CCDC148: variants seen among roughly 807,000 people sequenced by gnomAD.
CCDC148 encodes coiled-coil domain containing 148, also known as coiled-coil domain-containing protein 148.
CCDC148 carries 89 observed loss-of-function variants against 85.7 expected under a neutral mutation model. That is an observed-to-expected ratio of 1.04 (90% CI 0.87 to 1.24). The LOEUF is 1.24. CCDC148 is among the 50% of genes most tolerant of loss of function. The probability of loss-of-function intolerance (pLI) is 0.00; values close to 1 mark genes in which losing one functional copy is unlikely to be tolerated. For synonymous variants in CCDC148, 230 were observed against 213.9 expected (o/e 1.08, Z -0.66); for missense variants, 692 against 671.7 (o/e 1.03, Z -0.33).
At chr2:158,449,789 G>A (rs761096751) in intron 1 of CCDC148, among the ~76,000 whole-genome samples, 1 of 152,136 alleles carries the variant, frequency 6.6e-6, no homozygotes, top group Non-Finnish European at 1.5e-5. Flanking sequence ...GTTCAAAGTG[G>A]TATGGCCATA....
intron 10 of CCDC148, among the ~76,000 whole-genome samples, chr2:158,221,082 G>T (rs1164824164): frequency 3.9e-5 from 6 of 152,122 alleles, no homozygotes; most frequent in Non-Finnish European, 8.8e-5. Flanking sequence ...TCTTCTTATG[G>T]TAATGCAGTC....
intron 9 of CCDC148, among the ~76,000 whole-genome samples, chr2:158,278,684 C>T (rs1023600332): frequency 5.3e-5 from 8 of 152,256 alleles, no homozygotes; most frequent in African/African-American, 9.6e-5. Flanking sequence ...CTGTAGGCTC[C>T]GCCTCTGGGG....
intron 1 of CCDC148, among the ~76,000 whole-genome samples, chr2:158,377,130 T>C (rs1684683907): frequency 6.6e-6 from 1 of 152,056 alleles, no homozygotes; most frequent in Non-Finnish European, 1.5e-5. Flanking sequence ...CCATATTCTC[T>C]GAACAATGAT....
chr2:158,191,242 T>C (rs1685410149), intron 11 of CCDC148, among the ~76,000 whole-genome samples: 1 of 152,076 alleles, frequency 6.6e-6, no homozygotes, highest in South Asian at 2.1e-4. Context: ...GCTTCTCTAA[T>C]GCTGTTTGAA....
chr2:158,353,576 G>A (rs1303749063), intron 2 of CCDC148, among the ~76,000 whole-genome samples: 3 of 151,892 alleles, frequency 2.0e-5, no homozygotes, highest in Non-Finnish European at 4.4e-5. Flanking sequence ...GATTCATAAA[G>A]CAAGTCCTGA....
chr2:158,415,061 T>C (rs974844969), intron 1 of CCDC148, among the ~76,000 whole-genome samples: 2 of 152,044 alleles, frequency 1.3e-5, no homozygotes, highest in African/African-American at 4.8e-5. Flanking sequence ...GTCCATAGTT[T>C]GGGGCCATAA....
chr2:158,350,941 T>G (rs1683234806), intron 2 of CCDC148, among the ~76,000 whole-genome samples: 2 of 152,122 alleles, frequency 1.3e-5, no homozygotes, highest in South Asian at 4.1e-4. Flanking sequence ...AATACCTCAC[T>G]GTTACTCATC....
At chr2:158,395,965 A>AT (rs1254929790) in intron 1 of CCDC148, among the ~76,000 whole-genome samples, 1 of 152,054 alleles carries the variant, frequency 6.6e-6, no homozygotes, top group Non-Finnish European at 1.5e-5. Context: ...ATAAACTGGG[A>AT]TTTCCCCAGA....
At chr2:158,319,045 C>T (rs1029593887) in intron 7 of CCDC148, among the ~76,000 whole-genome samples, 4 of 152,168 alleles carry the variant, frequency 2.6e-5, no homozygotes, top group African/African-American at 9.7e-5. Context: ...GAATTACAGG[C>T]ATAAGCCACA....
intron 9 of CCDC148, among the ~76,000 whole-genome samples, chr2:158,259,471 T>A (rs1689133176): frequency 6.6e-6 from 1 of 151,950 alleles, no homozygotes; most frequent in Non-Finnish European, 1.5e-5. Flanking sequence ...AGAAAGCAAA[T>A]GTGATATACA....
In CCDC148 at chr2:158,177,740, T is replaced by TA. The variant is rs1393297715; in HGVS notation, c.1489-1080dup. Among the ~76,000 whole-genome samples, 28 of 152,286 alleles carry TA rather than the reference T, an allele frequency of 1.8e-4. No homozygotes were observed. In the South Asian group the frequency reaches 5.6e-3, roughly 30 times the overall value. On this transcript the variant is annotated intron_variant, in intron 12 of 13. Coordinates refer to ENST00000283233, the MANE Select transcript of CCDC148 (RefSeq NM_138803.4). ...TAAATTTATCTTTATAATCTTTTTT[T>TA]ATCAAAGAAGATGATGATATAATAG...
At chr2:158,173,407 T>C (rs1049473995) in intron 13 of CCDC148, among the ~76,000 whole-genome samples, 4 of 152,198 alleles carry the variant, frequency 2.6e-5, no homozygotes, top group East Asian at 1.9e-4. Flanking sequence ...TGTTTGTTTC[T>C]AGTTTTTGCA....
intron 1 of CCDC148, among the ~76,000 whole-genome samples, chr2:158,411,532 C>G (rs1686258401): frequency 6.6e-6 from 1 of 151,782 alleles, no homozygotes; most frequent in Non-Finnish European, 1.5e-5. Flanking sequence ...CTGTTTTGTT[C>G]TTCATTGTTA....
At chr2:158,216,251 T>C (rs183445716) in intron 11 of CCDC148, among the ~76,000 whole-genome samples, 21 of 152,182 alleles carry the variant, frequency 1.4e-4, no homozygotes, top group African/African-American at 3.9e-4. Flanking sequence ...CACTTTTGCT[T>C]TAACTTTAAT....
At chr2:158,258,608 A>G (rs1053289499) in intron 9 of CCDC148, among the ~76,000 whole-genome samples, 1 of 151,796 alleles carries the variant, frequency 6.6e-6, no homozygotes, top group Non-Finnish European at 1.5e-5. Context: ...GAATCATCCT[A>G]ACACTGCCTG....
chr2:158,407,756 T>C (rs898212953), intron 1 of CCDC148, among the ~76,000 whole-genome samples: 1 of 152,182 alleles, frequency 6.6e-6, no homozygotes, highest in African/African-American at 2.4e-5. Context: ...TCTGGGTTCA[T>C]AGAAGCCTGG....
intron 1 of CCDC148, among the ~76,000 whole-genome samples, chr2:158,359,415 T>C (rs6745890): frequency 0.36 from 53,967 of 151,990 alleles, 9,916 homozygotes; most frequent in African/African-American, 0.45. Flanking sequence ...GGAACAGCTC[T>C]GGTCTGCAGC....
At chr2:158,340,548 A>G (rs1191239351) in intron 4 of CCDC148, 50 bp downstream of exon 4, 3 of 1,431,708 alleles carry the variant, frequency 2.1e-6, no homozygotes, top group Non-Finnish European at 2.9e-6. Context: ...GCCCATTCTC[A>G]TTCTTCAAAA....
At chr2:158,389,941 T>C (rs1012782334) in intron 1 of CCDC148, among the ~76,000 whole-genome samples, 4 of 152,150 alleles carry the variant, frequency 2.6e-5, no homozygotes, top group African/African-American at 9.6e-5. Flanking sequence ...AGAAAGATTA[T>C]ATTGGTAATT....
Sources: allele counts gnomAD v4.1 joint callset (sites outside exome capture counted in the v4.1 genomes callset), GRCh38; gene constraint gnomAD v4.1.1; transcripts MANE v1.5; gene names NCBI Gene and HGNC (gene_info 2026-07-23, HGNC 2026-07-21).